Variants in TYR observed in about 807,000 individuals in gnomAD.
The protein encoded by TYR is LB24-AB.
In TYR, 58 loss-of-function variants were observed where a neutral mutation model predicts 51.5. The ratio of observed to expected loss-of-function variants is 1.13; its 90% CI spans 0.91 to 1.40. TYR has a LOEUF of 1.40. Among genes scored for constraint, TYR ranks in the 40% most tolerant of loss-of-function variants. The probability of loss-of-function intolerance (pLI) is 0.00; values close to 1 mark genes in which losing one functional copy is unlikely to be tolerated. For missense variants in TYR, 732 were observed against 647.4 expected, an observed-to-expected ratio of 1.13 and a Z score of -1.42; for synonymous variants, 263 against 235.2, an observed-to-expected ratio of 1.12 and a Z score of -1.08.
At chr11:89,234,575 C>G (rs1015642264) in intron 3 of TYR, among the ~76,000 whole-genome samples, 1 of 142,932 alleles carries the variant, frequency 7.0e-6, no homozygotes, top group Non-Finnish European at 1.5e-5. Context: ...GCAACTCTTT[C>G]TTTCATTTGA....
intron 3 of TYR, among the ~76,000 whole-genome samples, chr11:89,272,161 G>A (rs1944595641): frequency 6.6e-6 from 1 of 151,738 alleles, no homozygotes; most frequent in Admixed American, 6.6e-5. Flanking sequence ...CTTCCAAAAG[G>A]TTTTCTATTC....
rs76966358 is a variant in TYR at position 89,183,090 on chromosome 11, T to G, written c.819+4318T>G. Among the ~76,000 whole-genome samples, 4 of 152,066 alleles carry G rather than the reference T, an allele frequency of 2.6e-5. No individual in the cohort carries two copies. The South Asian group carries it at 8.3e-4, about 31-fold the overall frequency. ...TTGTGGAATGTCATACGGTTTACAT[T>G]TTTTCCCCCAGATAAACCTCTAATG... On this transcript the variant is annotated intron_variant, in intron 1 of 4. Coordinates refer to ENST00000263321, the MANE Select transcript of TYR (RefSeq NM_000372.5).
intron 3 of TYR, among the ~76,000 whole-genome samples, chr11:89,233,798 G>A (rs1424451085): frequency 7.0e-6 from 1 of 142,616 alleles, no homozygotes; most frequent in East Asian, 2.0e-4. Context: ...TGCTGTAAAC[G>A]GATATGCTAT....
intron 2 of TYR, among the ~76,000 whole-genome samples, chr11:89,201,951 C>T (rs909546904): frequency 3.9e-5 from 6 of 151,934 alleles, no homozygotes; most frequent in Admixed American, 6.6e-5. Context: ...GGCACATTTG[C>T]GAAATCCAAA....
chr11:89,191,357 C>A lies in TYR; in HGVS notation c.975C>A (p.Thr325=), dbSNP rs2135253381. Residue 325 remains threonine, a synonymous_variant, in exon 2 of 5, where the codon ACC becomes ACA. Transcript: ENST00000263321. ...SADVEFCLSL[T]QYESGSMDKA... is the part of the protein sequence containing the mutation. Reference sequence around the variant, plus strand: ...ATGTAGAATTTTGCCTGAGTTTGACCCAATATGAATCTGGTTCCATGGATA... The same window carrying A: ...ATGTAGAATTTTGCCTGAGTTTGACACAATATGAATCTGGTTCCATGGATA... 6.2e-7 allele frequency: 1 copy of A among 1,613,698 alleles called. No homozygotes were observed. The highest frequency in any genetic ancestry group is 8.5e-7 in the Non-Finnish European group (1 of 1,179,754).
chr11:89,268,455 A>C (rs1944551179), intron 3 of TYR, among the ~76,000 whole-genome samples: 1 of 151,976 alleles, frequency 6.6e-6, no homozygotes, highest in Non-Finnish European at 1.5e-5. Context: ...ACAATAATGT[A>C]TGTTAAATGA....
At chr11:89,262,847 C>CAAAAAAAAAAAAAAAAAAAAAAAAAA (rs771958187) in intron 3 of TYR, among the ~76,000 whole-genome samples, 30 of 19,304 alleles carry the variant, frequency 1.6e-3, no homozygotes, top group Admixed American at 3.7e-3. Context: ...GCTACTCATC[C>CAAAAAAAAAAAAAAAAAAAAAAAAAA]AAAAAAAAAA....
chr11:89,237,533 C>A (rs1289000017), intron 3 of TYR, among the ~76,000 whole-genome samples: 1 of 152,046 alleles, frequency 6.6e-6, no homozygotes, highest in African/African-American at 2.4e-5. Context: ...GATGTCTATT[C>A]TTTTCCATTG....
intron 3 of TYR, among the ~76,000 whole-genome samples, chr11:89,277,530 A>C (rs1474068831): frequency 6.6e-6 from 1 of 151,724 alleles, no homozygotes; most frequent in African/African-American, 2.4e-5. Context: ...TCCAAAGTTA[A>C]TCTTACTCTG....
chr11:89,180,379 C>A (rs1404018684), intron 1 of TYR, among the ~76,000 whole-genome samples: 1 of 152,114 alleles, frequency 6.6e-6, no homozygotes, highest in Non-Finnish European at 1.5e-5. Context: ...GCTGCAACAT[C>A]CACAGGAAAT....
chr11:89,253,965 A>G (rs1944359773), intron 3 of TYR, among the ~76,000 whole-genome samples: 1 of 151,690 alleles, frequency 6.6e-6, no homozygotes, highest in Admixed American at 6.6e-5. Flanking sequence ...TGGGCTTGTC[A>G]TAGATAGGCT....
At chr11:89,287,286 A>C (rs1349672498) in intron 4 of TYR, among the ~76,000 whole-genome samples, 1 of 151,848 alleles carries the variant, frequency 6.6e-6, no homozygotes, top group African/African-American at 2.4e-5. Context: ...TAACTAATAT[A>C]AGTGAAGTTT....
chr11:89,195,007 C>T (rs1046086442), intron 2 of TYR, among the ~76,000 whole-genome samples: 1 of 152,118 alleles, frequency 6.6e-6, no homozygotes, highest in Non-Finnish European at 1.5e-5. Flanking sequence ...ACCAGAGAGA[C>T]ACATTTTATC....
At chr11:89,192,221 G>A (rs141406396) in intron 2 of TYR, among the ~76,000 whole-genome samples, 1 of 151,972 alleles carries the variant, frequency 6.6e-6, no homozygotes, top group African/African-American at 2.4e-5. Flanking sequence ...ATTCTTTTCT[G>A]CTTATAGCTG....
At chr11:89,200,212 A>G (rs910238410) in intron 2 of TYR, 1 of 152,168 alleles carries the variant, frequency 6.6e-6, no homozygotes, top group African/African-American at 2.4e-5. Flanking sequence ...AGTATCTGGG[A>G]CTATAGGTGT....
intron 2 of TYR, among the ~76,000 whole-genome samples, chr11:89,206,670 C>CAAA (rs1243150535): frequency 6.6e-5 from 10 of 151,942 alleles, no homozygotes; most frequent in African/African-American, 2.4e-4. Flanking sequence ...ATAACAACAA[C>CAAA]AAAAAATATT....
Position 89,293,041 on chromosome 11 carries a change from A to C in TYR, c.1367-2102A>C, listed in dbSNP as rs1944867475. ...GTTGGGGAGGTTGTTGGTAGTAATA[A>C]AATTATTCCTTTTAGGAATTTTACA... On this transcript the variant is annotated intron_variant, in intron 4 of 4. Transcript: ENST00000263321. 2.0e-5 allele frequency among the ~76,000 whole-genome samples: 3 copies of C among 152,160 alleles called. No homozygotes were observed. The South Asian group carries it at 6.2e-4, about 32-fold the overall frequency.
chr11:89,295,727 CTTCT>C lies in TYR; in HGVS notation c.*364_*367del, dbSNP rs1944900423. 1 of 233,928 alleles carries C rather than the reference CTTCT, an allele frequency of 4.3e-6. No individual in the cohort carries two copies. Among genetic ancestry groups the C allele is most frequent in the Admixed American group, 5.2e-5 (1 of 19,226 alleles). 14.5% of individuals were successfully genotyped at this position (233,928 alleles called of 1,614,324 possible). ...AGATCTATATATGTTTTATTGGCCC[CTTCT>C]TTATTTTAATAAAACAGTGAGAAAT... On this transcript the variant is annotated 3_prime_UTR_variant, in exon 5 of 5. Coordinates refer to ENST00000263321, the MANE Select transcript of TYR (RefSeq NM_000372.5).
At chr11:89,285,129 A>T (rs913827876) in intron 4 of TYR, among the ~76,000 whole-genome samples, 175 bp downstream of exon 4, 1 of 151,772 alleles carries the variant, frequency 6.6e-6, no homozygotes, top group Non-Finnish European at 1.5e-5. Flanking sequence ...AATTCTGAGG[A>T]TCTTTAAAGT....
Sources: gnomAD v4.1 joint callset for allele counts (sites outside exome capture counted in the v4.1 genomes callset) on GRCh38, gnomAD v4.1.1 for gene constraint, MANE v1.5 for transcripts, NCBI Gene and HGNC (gene_info 2026-07-23, HGNC 2026-07-21) for gene names.